EFCAB8: variants seen among roughly 807,000 people sequenced by gnomAD.
EFCAB8 encodes EF-hand calcium binding domain 8.
A neutral mutation model predicts 116.3 loss-of-function variants in EFCAB8; 100 were observed. That is an observed-to-expected ratio of 0.86 (90% CI 0.73 to 1.02). The LOEUF (loss-of-function observed/expected upper bound fraction) is 1.02. Ranked by LOEUF, EFCAB8 falls within the 50% of genes least tolerant of loss-of-function variation. EFCAB8 has a pLI of 0.00. For missense variants in EFCAB8, 1,320 were observed against 1,416.9 expected (o/e 0.93, Z 1.10); for synonymous variants, 558 against 567.9 (o/e 0.98, Z 0.25).
At chr20:32,929,575 C>A (rs1316156959) in intron 20 of EFCAB8, among the ~76,000 whole-genome samples, 1 of 145,768 alleles carries the variant, frequency 6.9e-6, no homozygotes, top group Admixed American at 7.1e-5. Flanking sequence ...CTCCTGGGCT[C>A]AAGTGATTCA....
chr20:32,961,586 G>T lies in EFCAB8; in HGVS notation c.3844G>T (p.Gly1282Trp). 1 of 1,352,880 alleles carries T rather than the reference G, an allele frequency of 7.4e-7. No homozygotes were observed. Among genetic ancestry groups the T allele is most frequent in the Non-Finnish European group, 9.5e-7 (1 of 1,051,294 alleles). 83.8% of individuals were successfully genotyped at this position (1,352,880 alleles called of 1,614,324 possible). ...GGCCACCTTCATGTCCTCTGTGAAG[G>T]GGAGCTCCCATGTCAGGTTCTGAGG... is the stretch of plus-strand genomic sequence containing the variant. ...LKATFMSSVK[G>W]SSHVRF Residue 1282 changes from glycine (G) to tryptophan (W), a missense_variant, in exon 27 of 27, where the codon GGG becomes TGG. By Grantham distance (184) the Gly-to-Trp change is radical. Coordinates refer to ENST00000400522, the MANE Select transcript of EFCAB8 (RefSeq NM_001143967.2).
chr20:32,927,492 C>G (rs183074040), intron 20 of EFCAB8, among the ~76,000 whole-genome samples: 3 of 152,126 alleles, frequency 2.0e-5, no homozygotes, highest in African/African-American at 7.2e-5. Flanking sequence ...TTAAAGGTGC[C>G]CGCCACCATG....
intron 6 of EFCAB8, 116 bp from the exon 7 acceptor site, chr20:32,889,185 G>C: frequency 1.2e-6 from 1 of 813,260 alleles, no homozygotes; most frequent in Non-Finnish European, 2.0e-6. Context: ...GTAGTGCTAG[G>C]CTCCATGCCA....
rs1286147598 is a variant in EFCAB8 at position 32,896,478 on chromosome 20, A to T, written c.908A>T (p.Gln303Leu). Residue 303 changes from glutamine (Q) to leucine (L), a missense_variant, in exon 10 of 27, where the codon CAG (glutamine) becomes CTG (leucine). By Grantham distance (113) the Gln-to-Leu change is moderately radical. Transcript: ENST00000400522. The part of the protein sequence containing the change: ...KWDHWIKVSL[Q>L]KLLNEKSALH... Reference sequence around the variant, plus strand: ...GATCACTGGATCAAAGTTTCCTTGCAGAAACTCTTAAATGAGAAGTCTGCT... The same window carrying T: ...GATCACTGGATCAAAGTTTCCTTGCTGAAACTCTTAAATGAGAAGTCTGCT... 2 of 718,908 alleles carry T rather than the reference A, an allele frequency of 2.8e-6. No homozygotes were observed. Among genetic ancestry groups the T allele is most frequent in the Admixed American group, 2.0e-5 (1 of 50,004 alleles). The allele number at this position is 718,908 out of a possible 1,614,324, so 44.5% of individuals were successfully genotyped here.
At chr20:32,936,201 T>G (rs1988114249) in intron 22 of EFCAB8, among the ~76,000 whole-genome samples, 2 of 151,784 alleles carry the variant, frequency 1.3e-5, no homozygotes, top group African/African-American at 4.8e-5. Flanking sequence ...CCTAGCTAAT[T>G]TTTGTATTTT....
chr20:32,903,279 C>T lies in EFCAB8; in HGVS notation c.1089-3283C>T, dbSNP rs140592303. Among the ~76,000 whole-genome samples the T allele has an allele frequency of 8.7e-3, 1,330 of 152,332 alleles. 9 individuals are homozygous for T. Among genetic ancestry groups the T allele is most frequent in the Non-Finnish European group, 0.013 (915 of 68,034 alleles). On this transcript the variant is annotated intron_variant, in intron 11 of 26. Transcript: ENST00000400522. ...GGGCTCCCCGGGGCTGACTCCTTCT[C>T]ACCCTTCAGGTCTCCGCTGCCCTGG...
chr20:32,939,840 G>C (rs1414931057), intron 22 of EFCAB8, among the ~76,000 whole-genome samples: 1 of 147,574 alleles, frequency 6.8e-6, no homozygotes, highest in South Asian at 2.1e-4. Context: ...GATTACAGGT[G>C]CCCGCCACCA....
chr20:32,859,755 C>A (rs1008621970), intron 1 of EFCAB8, among the ~76,000 whole-genome samples: 1 of 152,158 alleles, frequency 6.6e-6, no homozygotes, highest in African/African-American at 2.4e-5. Flanking sequence ...AAATACTTTT[C>A]AGTGTACATT....
At chr20:32,923,088 T>C (rs1600431095) in intron 20 of EFCAB8, among the ~76,000 whole-genome samples, 1 of 151,982 alleles carries the variant, frequency 6.6e-6, no homozygotes, top group Non-Finnish European at 1.5e-5. Context: ...GGAGGCTGAG[T>C]TGGGAGAATC....
At chr20:32,859,796 A>G (rs79255477) in intron 1 of EFCAB8, among the ~76,000 whole-genome samples, 225 of 152,142 alleles carry the variant, frequency 1.5e-3, no homozygotes, top group African/African-American at 4.6e-3. Flanking sequence ...CATAACCACA[A>G]TACAGTTATC....
intron 1 of EFCAB8, 69 bp downstream of exon 1, chr20:32,859,075 G>A (rs1239698855): frequency 2.1e-6 from 1 of 470,174 alleles, no homozygotes; most frequent in East Asian, 7.0e-5. Flanking sequence ...ACCTCTGCCT[G>A]ACCTCCAAGG....
At chr20:32,859,666 A>G (rs1172776150) in intron 1 of EFCAB8, among the ~76,000 whole-genome samples, 1 of 152,244 alleles carries the variant, frequency 6.6e-6, no homozygotes, top group Non-Finnish European at 1.5e-5. Flanking sequence ...AATTGTGAAC[A>G]TTTTGCCACA....
At chr20:32,886,660 G>T (rs1020318548) in intron 6 of EFCAB8, among the ~76,000 whole-genome samples, 3 of 152,142 alleles carry the variant, frequency 2.0e-5, no homozygotes, top group African/African-American at 7.2e-5. Context: ...ACCTTTCTGT[G>T]TGTGGACTGG....
intron 22 of EFCAB8, among the ~76,000 whole-genome samples, chr20:32,939,184 TTTCTTTCTTTC>T (rs1248434196): frequency 1.4e-4 from 12 of 88,428 alleles, no homozygotes; most frequent in African/African-American, 5.0e-4. Flanking sequence ...TCTTTCTTTC[TTTCTTTCTTTC>T]TTTCTTTCCT....
intron 5 of EFCAB8, among the ~76,000 whole-genome samples, chr20:32,882,707 T>C (rs1363657572): frequency 6.7e-6 from 1 of 149,864 alleles, no homozygotes; most frequent in Non-Finnish European, 1.5e-5. Flanking sequence ...GTTGTTGTTG[T>C]TGTTTTGAGA....
chr20:32,930,753 T>A lies in EFCAB8; in HGVS notation c.2631+137T>A. The A allele has an allele frequency of 3.6e-6, 3 of 822,118 alleles. No homozygotes were observed. In the South Asian group the frequency reaches 5.0e-5, roughly 14 times the overall value. 50.9% of individuals were successfully genotyped at this position (822,118 alleles called of 1,614,324 possible). A position where few individuals can be genotyped will look rare whatever the true frequency, so the allele number is the denominator to read the frequency against. ...ATTTGTGAAACAATGCAGCGAGGAGTCCTCTCCTGCTCTGCTAAGCCCAGT... is the reference window on the plus strand; with the variant it reads ...ATTTGTGAAACAATGCAGCGAGGAGACCTCTCCTGCTCTGCTAAGCCCAGT... On this transcript the variant is annotated intron_variant, in intron 21 of 26. Coordinates refer to ENST00000400522, the MANE Select transcript of EFCAB8 (RefSeq NM_001143967.2).
chr20:32,876,493 G>C (rs1321239462), intron 4 of EFCAB8, among the ~76,000 whole-genome samples: 1 of 152,114 alleles, frequency 6.6e-6, no homozygotes, highest in Non-Finnish European at 1.5e-5. Flanking sequence ...GGTTCTAAAC[G>C]TTCGACAATG....
At chr20:32,942,367 C>A (rs765740625) in intron 22 of EFCAB8, among the ~76,000 whole-genome samples, 2 of 151,904 alleles carry the variant, frequency 1.3e-5, no homozygotes, top group Admixed American at 1.3e-4. Context: ...TGGTAACTAT[C>A]TTTTATAAAT....
intron 3 of EFCAB8, among the ~76,000 whole-genome samples, chr20:32,873,138 AAAAC>A (rs1485803506): frequency 6.6e-6 from 1 of 152,148 alleles, no homozygotes; most frequent in Admixed American, 6.5e-5. Flanking sequence ...ACAAAAAACA[AAAAC>A]AAAACACAAA....
Sources: gnomAD v4.1 joint callset for allele counts (sites outside exome capture counted in the v4.1 genomes callset) on GRCh38, gnomAD v4.1.1 for gene constraint, MANE v1.5 for transcripts, NCBI Gene and HGNC (gene_info 2026-07-23, HGNC 2026-07-21) for gene names.